The following CAND1 variants were observed in gnomAD, a reference collection of about 807,000 sequenced individuals.
CAND1 encodes the protein cullin associated and neddylation dissociated 1.
In CAND1, 7 loss-of-function variants were observed where a neutral mutation model predicts 108.5. That is an observed-to-expected ratio of 0.06 (90% CI 0.04 to 0.12). The LOEUF is 0.12. Among genes scored for constraint, CAND1 ranks in the 10% least tolerant of loss-of-function variants. The pLI, the probability that CAND1 is intolerant of heterozygous loss-of-function variation, is 1.00. For missense variants in CAND1, 941 were observed against 1,448.7 expected (o/e 0.65, Z 5.69); for synonymous variants, 534 against 512.0 (o/e 1.04, Z -0.58).
rs1290460218 is a variant in CAND1 at position 67,269,680 on chromosome 12, C to T, written c.-38C>T. 7 of 1,571,936 alleles carry T rather than the reference C, an allele frequency of 4.5e-6. No individual in the cohort carries two copies. The highest frequency in any genetic ancestry group is 3.5e-5 in the Admixed American group (2 of 57,894). On this transcript the variant is annotated 5_prime_UTR_variant, in exon 1 of 15. Transcript: ENST00000545606. ...CGGCGGCAGCGGCAGCGGGCAGCAG[C>T]TCCAGCAGCGCCAGCAGGCGGGATC... is the stretch of plus-strand genomic sequence containing the variant.
intron 11 of CAND1, among the ~76,000 whole-genome samples, chr12:67,309,546 T>C (rs2044926588): frequency 6.6e-6 from 1 of 152,030 alleles, no homozygotes; most frequent in Admixed American, 6.6e-5. Context: ...TTTAGTGAAC[T>C]ACAAGGAGAA....
chr12:67,297,374 G>T (rs1360152784), intron 4 of CAND1, 33 bp from the exon 5 acceptor site: 2 of 1,592,158 alleles, frequency 1.3e-6, no homozygotes, highest in Admixed American at 3.5e-5. Context: ...GAATTCATTT[G>T]TTGTTTTCTT....
At chr12:67,284,907 A>C (rs772140777) in intron 2 of CAND1, among the ~76,000 whole-genome samples, 7 of 152,184 alleles carry the variant, frequency 4.6e-5, no homozygotes, top group Admixed American at 4.6e-4. Context: ...GGTATTAACC[A>C]CTTTAAGACA....
At position 67,313,921 on chromosome 12, in the gene CAND1, TG is replaced by T. The variant is rs1471240077; in HGVS notation, c.*1092del. ...TTGAGTTAGGTTTTTCCCCATCTCC[TG>T]TAGAGCGAATTTACATATTGTATTG... On this transcript the variant is annotated 3_prime_UTR_variant, in exon 15 of 15. Transcript: ENST00000545606. 6.6e-6 allele frequency: 1 copy of T among 152,636 alleles called. No homozygotes were observed. The highest frequency in any genetic ancestry group is 1.5e-5 in the Non-Finnish European group (1 of 68,012). 9.5% of individuals were successfully genotyped at this position (152,636 alleles called of 1,614,324 possible).
At chr12:67,290,052 A>G (rs1195860942) in intron 2 of CAND1, among the ~76,000 whole-genome samples, 1 of 152,190 alleles carries the variant, frequency 6.6e-6, no homozygotes, top group East Asian at 1.9e-4. Context: ...CTGTAATATC[A>G]TAGGTGGTTA....
chr12:67,269,964 T>G, intron 1 of CAND1, 179 bp downstream of exon 1: 1 of 553,470 alleles, frequency 1.8e-6, no homozygotes, highest in Non-Finnish European at 3.2e-6. Context: ...TCTCCCCTCT[T>G]GCAACCCCCT....
intron 2 of CAND1, among the ~76,000 whole-genome samples, chr12:67,288,842 T>G (rs2044696822): frequency 1.3e-5 from 2 of 152,200 alleles, no homozygotes; most frequent in African/African-American, 4.8e-5. Flanking sequence ...AGAAGAGGGC[T>G]GAGACGTGGC....
chr12:67,293,764 A>G (rs1269329935), intron 3 of CAND1, among the ~76,000 whole-genome samples: 1 of 152,124 alleles, frequency 6.6e-6, no homozygotes, highest in Non-Finnish European at 1.5e-5. Flanking sequence ...AAAAAAAAAT[A>G]AAAAAACAAA....
chr12:67,286,958 G>C (rs1446392900), intron 2 of CAND1, among the ~76,000 whole-genome samples: 2 of 152,164 alleles, frequency 1.3e-5, no homozygotes, highest in Admixed American at 6.5e-5. Context: ...AAAATCAATT[G>C]ACTATAAAAG....
chr12:67,304,561 A>G (rs2044859334), intron 8 of CAND1, 44 bp from the exon 9 acceptor site: 1 of 1,597,550 alleles, frequency 6.3e-7, no homozygotes, highest in Non-Finnish European at 8.5e-7. Flanking sequence ...GTACTGAGGA[A>G]ATACCAACAG....
At chr12:67,274,320 G>A (rs1278139449) in intron 1 of CAND1, among the ~76,000 whole-genome samples, 2 of 152,168 alleles carry the variant, frequency 1.3e-5, no homozygotes, top group African/African-American at 4.8e-5. Context: ...GCATTAAGTG[G>A]CAGAGAATAT....
chr12:67,273,459 T>C (rs2044540611), intron 1 of CAND1, among the ~76,000 whole-genome samples: 1 of 151,204 alleles, frequency 6.6e-6, no homozygotes. Flanking sequence ...TTTGGTAGGT[T>C]GAGGTAACTA....
rs892763368 is a variant in CAND1 at position 67,282,359 on chromosome 12, A to C, written c.212+306A>C. 2.3e-5 allele frequency among the ~76,000 whole-genome samples: 3 copies of C among 127,944 alleles called. No homozygotes were observed. In the South Asian group the frequency reaches 6.3e-4, roughly 27 times the overall value. 83.9% of individuals were successfully genotyped at this position (127,944 alleles called of 152,430 possible). On this transcript the variant is annotated intron_variant, in intron 2 of 14. Transcript: ENST00000545606. Reference sequence around the variant, plus strand: ...ACATTTTTAGTTGAGTTAAAGGCCTACTTTCCTCTATGTATCTCTGTATTC... The same window carrying C: ...ACATTTTTAGTTGAGTTAAAGGCCTCCTTTCCTCTATGTATCTCTGTATTC...
intron 1 of CAND1, among the ~76,000 whole-genome samples, chr12:67,279,791 A>G (rs943488763): frequency 6.6e-6 from 1 of 152,212 alleles, no homozygotes; most frequent in Non-Finnish European, 1.5e-5. Flanking sequence ...CGGTAGAACC[A>G]TACAGGACCA....
Position 67,316,493 on chromosome 12 carries a change from C to T in CAND1, c.*3663C>T, listed in dbSNP as rs2045008640. The T allele has an allele frequency of 1.3e-5, 2 of 152,126 alleles. No individual in the cohort carries two copies. The highest frequency in any genetic ancestry group is 4.8e-5 in the African/African-American group (2 of 41,432). 9.4% of individuals were successfully genotyped at this position (152,126 alleles called of 1,614,324 possible). A position where few individuals can be genotyped will look rare whatever the true frequency, so the allele number is the denominator to read the frequency against. ...AAGATCTTTCAGCAACATGTTTTTG[C>T]TCTTTGTAACTTAGAAAGTTAGCTC... On this transcript the variant is annotated 3_prime_UTR_variant, in exon 15 of 15. Transcript: ENST00000545606.
intron 2 of CAND1, among the ~76,000 whole-genome samples, chr12:67,283,566 G>A (rs1297924991): frequency 2.1e-5 from 3 of 145,554 alleles, no homozygotes; most frequent in Non-Finnish European, 3.0e-5. Flanking sequence ...CTGGACGACA[G>A]AGCAAGACTG....
intron 1 of CAND1, among the ~76,000 whole-genome samples, chr12:67,273,123 A>G (rs1331082984): frequency 6.6e-6 from 1 of 152,224 alleles, no homozygotes; most frequent in Non-Finnish European, 1.5e-5. Flanking sequence ...GTTTAGTGAA[A>G]AGTTATTAAT....
Position 67,305,228 on chromosome 12 carries a change from G to T in CAND1, c.1560G>T (p.Leu520Phe), listed in dbSNP as rs573253871. 9 of 1,614,108 alleles carry T rather than the reference G, an allele frequency of 5.6e-6. No homozygotes were observed. The South Asian group carries it at 8.8e-5, about 16-fold the overall frequency. Residue 520 changes from leucine (L) to phenylalanine (F), a missense_variant, in exon 10 of 15, where the codon TTG becomes TTT. Physicochemically the swap from Leu to Phe is conservative, Grantham distance 22. Around this residue, in one of 9 missense-constraint regions of CAND1, gnomAD observed 697 missense variants for 942.0 expected, o/e 0.74. Coordinates refer to ENST00000545606, the MANE Select transcript of CAND1 (RefSeq NM_018448.5). This position sits in a 1 kb window ranked among gnomAD's most constrained non-coding sequence, Gnocchi z 4.4. ...TCTTCCATCCTCACGTTCAGGCTTTGGTTCCTCCAGTGGTGGCTTGTGTTG... is the reference window on the plus strand; with the variant it reads ...TCTTCCATCCTCACGTTCAGGCTTTTGTTCCTCCAGTGGTGGCTTGTGTTG... ...PQVFHPHVQA[L>F]VPPVVACVGD...
intron 4 of CAND1, among the ~76,000 whole-genome samples, chr12:67,296,865 A>C (rs2044774700): frequency 6.6e-6 from 1 of 152,072 alleles, no homozygotes; most frequent in Non-Finnish European, 1.5e-5. Flanking sequence ...TGGCATGATC[A>C]TGGCTCATTG....
Sources: gnomAD v4.1 joint callset for allele counts (sites outside exome capture counted in the v4.1 genomes callset) on GRCh38, gnomAD v4.1.1 for gene constraint, gnomAD v4.1.1 regional missense constraint, Gnocchi (gnomAD v3.1) non-coding constraint, MANE v1.5 for transcripts, NCBI Gene and HGNC (gene_info 2026-07-23, HGNC 2026-07-21) for gene names.